Variants in ALMS1 observed in about 807,000 individuals in gnomAD.
The protein encoded by ALMS1 is ALMS1 centrosome and basal body associated protein.
A neutral mutation model predicts 352.2 loss-of-function variants in ALMS1; 271 were observed. The observed-to-expected ratio is 0.77, with a 90% CI of 0.70 to 0.85. ALMS1 has a LOEUF of 0.85. Ranked by LOEUF, ALMS1 falls within the 40% of genes least tolerant of loss-of-function variation. The pLI is 0.00. For synonymous variants in ALMS1, 1,865 were observed against 1,761.2 expected, an observed-to-expected ratio of 1.06 and a Z score of -1.48; for missense variants, 5,445 against 4,870.7, an observed-to-expected ratio of 1.12 and a Z score of -3.51.
intron 10 of ALMS1, among the ~76,000 whole-genome samples, chr2:73,499,264 G>A (rs1033367845): frequency 6.6e-6 from 1 of 152,086 alleles, no homozygotes; most frequent in Non-Finnish European, 1.5e-5. Flanking sequence ...CTTGTGAGAT[G>A]GGTAGTTTGC....
rs776532737 is a variant in ALMS1, at chr2:73,572,267, G to A, written c.10390G>A (p.Glu3464Lys). ...ESLQINIEES[E>K]CHSEFENTTR... ...TCTTTTTTTCTCCTTTTCAGAGTCC[G>A]AATGTCATTCAGAATTTGAAAATAC... Residue 3464 changes from glutamate to lysine, a missense_variant, in exon 16 of 23, where the codon GAA becomes AAA. By Grantham distance (56) the Glu-to-Lys change is moderately conservative. Coordinates refer to ENST00000613296, the MANE Select transcript of ALMS1 (RefSeq NM_001378454.1). 3 of 1,605,202 alleles carry A rather than the reference G, an allele frequency of 1.9e-6. No homozygotes were observed. The highest frequency in any genetic ancestry group is 1.7e-5 in the Admixed American group (1 of 57,766).
At chr2:73,400,719 A>G (rs1311488095) in intron 1 of ALMS1, among the ~76,000 whole-genome samples, 1 of 152,104 alleles carries the variant, frequency 6.6e-6, no homozygotes, top group Non-Finnish European at 1.5e-5. Flanking sequence ...ATTTGTGGGC[A>G]TAGAGTTGTT....
Position 73,450,469 on chromosome 2 carries a change from A to C in ALMS1, c.3942A>C (p.Ser1314=), listed in dbSNP as rs186449817. 1,261 of 1,613,770 alleles carry C rather than the reference A, an allele frequency of 7.8e-4. 2 individuals are homozygous for C. Among genetic ancestry groups the C allele is most frequent in the South Asian group, 1.1e-3 (99 of 91,062 alleles). Reference sequence around the variant, plus strand: ...TAACTGAAGAGGCTAAGAATGTTTCAGCGGTTCCTGGACCAGCTGACCAGA... The same window carrying C: ...TAACTGAAGAGGCTAAGAATGTTTCCGCGGTTCCTGGACCAGCTGACCAGA... ...SHLTEEAKNV[S]AVPGPADQKT... Residue 1314 remains serine, a synonymous_variant, in exon 8 of 23, where the codon TCA becomes TCC. Coordinates refer to ENST00000613296, the MANE Select transcript of ALMS1 (RefSeq NM_001378454.1).
intron 7 of ALMS1, among the ~76,000 whole-genome samples, chr2:73,437,176 G>C (rs915895584): frequency 6.6e-6 from 1 of 152,146 alleles, no homozygotes; most frequent in African/African-American, 2.4e-5. Flanking sequence ...TCTCCTTATG[G>C]AGATGTGTGG....
chr2:73,605,962 G>A (rs1202399247), intron 21 of ALMS1, among the ~76,000 whole-genome samples: 1 of 152,132 alleles, frequency 6.6e-6, no homozygotes, highest in Non-Finnish European at 1.5e-5. Context: ...CCAAGTACGT[G>A]GAAAATCTAT....
rs1180283899 is a variant in ALMS1, at chr2:73,603,275, C to G, written c.12333C>G (p.Ser4111Arg). 3.7e-6 allele frequency: 6 copies of G among 1,614,102 alleles called. 1 individual carries two copies. The South Asian group carries it at 6.6e-5, about 18-fold the overall frequency. ...CTATCCAGAAGAACAAGCCTATCAGCAAGAAGGAAATGATTCAGAGGTCCA... is the reference window on the plus strand; with the variant it reads ...CTATCCAGAAGAACAAGCCTATCAGGAAGAAGGAAATGATTCAGAGGTCCA... ...FLAIQKNKPI[S>R]KKEMIQRSKR... Residue 4111 changes from serine (S) to arginine (R), a missense_variant, in exon 21 of 23, where the codon AGC becomes AGG. By Grantham distance (110) the Ser-to-Arg change is moderately radical. Transcript: ENST00000613296.
Position 73,490,203 on chromosome 2 carries a change from G to A in ALMS1, c.8244G>A (p.Gly2748=), listed in dbSNP as rs1488100564. ...GCCAGTGTACTGGAGCATCTGTGGG[G>A]GTATTTAATTCTCATTTCACTGAAG... The part of the protein sequence containing the change: ...EGSQCTGASV[G]VFNSHFTEEQ... The change falls in exon 10 of 23, where the codon GGG becomes GGA. Residue 2748 remains glycine (G), a synonymous_variant. Transcript: ENST00000613296. The A allele has an allele frequency of 3.7e-6, 6 of 1,613,912 alleles. No homozygotes were observed. The highest frequency in any genetic ancestry group is 3.3e-5 in the Admixed American group (2 of 60,018).
intron 12 of ALMS1, among the ~76,000 whole-genome samples, chr2:73,540,521 CAATATT>C: frequency 6.6e-6 from 1 of 152,212 alleles, no homozygotes; most frequent in East Asian, 1.9e-4. Context: ...TCACACATAA[CAATATT>C]AATCTTAAAT....
At chr2:73,425,305 C>T (rs922735455) in intron 5 of ALMS1, among the ~76,000 whole-genome samples, 13 of 152,206 alleles carry the variant, frequency 8.5e-5, no homozygotes, top group African/African-American at 1.7e-4. Flanking sequence ...TTTGAACTAA[C>T]GGAGACTAGA....
At chr2:73,499,417 A>T (rs1039505909) in intron 10 of ALMS1, among the ~76,000 whole-genome samples, 1 of 152,022 alleles carries the variant, frequency 6.6e-6, no homozygotes, top group Non-Finnish European at 1.5e-5. Context: ...TGCTCAAGAA[A>T]TTTTTGCCCA....
intron 16 of ALMS1, among the ~76,000 whole-genome samples, chr2:73,576,966 T>C (rs767404875): frequency 6.6e-6 from 1 of 152,178 alleles, no homozygotes; most frequent in Non-Finnish European, 1.5e-5. Context: ...TATTTATTGA[T>C]AATCATATTT....
At chr2:73,418,724 AAG>A (rs1296756134) in intron 2 of ALMS1, among the ~76,000 whole-genome samples, 1 of 152,186 alleles carries the variant, frequency 6.6e-6, no homozygotes, top group Non-Finnish European at 1.5e-5. Flanking sequence ...GAATATTCAA[AAG>A]AGAGCTACAT....
intron 15 of ALMS1, among the ~76,000 whole-genome samples, chr2:73,568,618 G>T (rs1268774380): frequency 6.6e-6 from 1 of 152,106 alleles, no homozygotes; most frequent in African/African-American, 2.4e-5. Flanking sequence ...TTTAATATTG[G>T]TTATCACCAG....
At chr2:73,402,243 T>G (rs1429729532) in intron 1 of ALMS1, among the ~76,000 whole-genome samples, 1 of 151,574 alleles carries the variant, frequency 6.6e-6, no homozygotes, top group Non-Finnish European at 1.5e-5. Context: ...AGTAGTCCTT[T>G]TCTTTCTTTT....
intron 4 of ALMS1, among the ~76,000 whole-genome samples, chr2:73,423,717 T>C (rs1197552750): frequency 6.6e-6 from 1 of 151,912 alleles, no homozygotes; most frequent in Non-Finnish European, 1.5e-5. Flanking sequence ...ATTAAGTTAC[T>C]GTTGTGTTTT....
chr2:73,417,414 A>G (rs1671199896), intron 2 of ALMS1, among the ~76,000 whole-genome samples: 1 of 152,252 alleles, frequency 6.6e-6, no homozygotes, highest in Non-Finnish European at 1.5e-5. Context: ...AAATAAATAC[A>G]GAACAACGTT....
At chr2:73,518,436 C>T (rs966266276) in intron 10 of ALMS1, among the ~76,000 whole-genome samples, 19 of 152,020 alleles carry the variant, frequency 1.2e-4, no homozygotes, top group African/African-American at 3.1e-4. Context: ...TTTGTGTGCA[C>T]GTGTCTTTAT....
At chr2:73,558,531 A>G (rs1453004876) in intron 14 of ALMS1, among the ~76,000 whole-genome samples, 1 of 152,196 alleles carries the variant, frequency 6.6e-6, no homozygotes, top group Non-Finnish European at 1.5e-5. Flanking sequence ...ACTTTCTAAC[A>G]CTAGTTCTCA....
chr2:73,451,951 C>G lies in ALMS1; in HGVS notation c.5424C>G (p.His1808Gln). ...CAGTAACCTCTACTTCCTACTCACA[C>G]AGAGAGAAGCCCATTGTTTCCTACC... ...VSTVTSTSYS[H>Q]REKPIVSYQR... Residue 1808 changes from histidine (H) to glutamine (Q), a missense_variant, in exon 8 of 23, where the codon CAC becomes CAG. By Grantham distance (24) the His-to-Gln change is conservative (BLOSUM62 0). Coordinates refer to ENST00000613296, the MANE Select transcript of ALMS1 (RefSeq NM_001378454.1). 6.2e-7 allele frequency: 1 copy of G among 1,611,842 alleles called. No homozygotes were observed. Among genetic ancestry groups the G allele is most frequent in the Non-Finnish European group, 8.5e-7 (1 of 1,179,274 alleles).
Sources: allele counts gnomAD v4.1 joint callset (sites outside exome capture counted in the v4.1 genomes callset), GRCh38; gene constraint gnomAD v4.1.1; transcripts MANE v1.5; gene names NCBI Gene and HGNC (gene_info 2026-07-23, HGNC 2026-07-21).